Variants in GPM6A observed in about 807,000 individuals in gnomAD.
GPM6A encodes the protein glycoprotein M6A, also known as neuronal membrane glycoprotein M6-a.
GPM6A carries 7 observed loss-of-function variants against 32.1 expected under a neutral mutation model. The observed-to-expected ratio is 0.22, with a 90% CI of 0.12 to 0.41. The LOEUF is 0.41. GPM6A is among the 10% of genes least tolerant of loss of function. GPM6A has a pLI of 1.00. For missense variants in GPM6A, 235 were observed against 347.2 expected, an observed-to-expected ratio of 0.68 and a Z score of 2.57; for synonymous variants, 130 against 123.4, an observed-to-expected ratio of 1.05 and a Z score of -0.35.
At chr4:175,647,953 A>G (rs1412393859) in intron 4 of GPM6A, among the ~76,000 whole-genome samples, 1 of 152,184 alleles carries the variant, frequency 6.6e-6, no homozygotes, top group Admixed American at 6.5e-5. Context: ...CATGACATCT[A>G]AAAAGTGCCT....
chr4:175,964,715 A>T (rs1740279849), intron 1 of GPM6A, among the ~76,000 whole-genome samples: 1 of 152,192 alleles, frequency 6.6e-6, no homozygotes, highest in Non-Finnish European at 1.5e-5. Flanking sequence ...ACACATTCTG[A>T]ATTTGGGGCA....
chr4:175,745,263 ATT>A (rs1422380680), intron 1 of GPM6A, among the ~76,000 whole-genome samples: 1 of 152,216 alleles, frequency 6.6e-6, no homozygotes, highest in Non-Finnish European at 1.5e-5. Context: ...TATTGGGTTC[ATT>A]TTGGAGACCT....
chr4:175,869,974 G>T (rs915561829), intron 1 of GPM6A, among the ~76,000 whole-genome samples: 5 of 152,128 alleles, frequency 3.3e-5, no homozygotes, highest in African/African-American at 9.7e-5. Flanking sequence ...ATAATTTGCA[G>T]CACTGGGATT....
chr4:175,799,339 C>T (rs910233006), intron 1 of GPM6A, among the ~76,000 whole-genome samples: 14 of 152,108 alleles, frequency 9.2e-5, no homozygotes, highest in African/African-American at 2.4e-4. Flanking sequence ...CTCATTTTGA[C>T]TCACTGTGGG....
At chr4:175,923,517 G>A (rs1285563412) in intron 1 of GPM6A, among the ~76,000 whole-genome samples, 1 of 151,290 alleles carries the variant, frequency 6.6e-6, no homozygotes, top group Non-Finnish European at 1.5e-5. Flanking sequence ...CCTTCCTGCA[G>A]TTTTGGGGTT....
intron 1 of GPM6A, among the ~76,000 whole-genome samples, chr4:175,911,505 C>A (rs1258890080): frequency 6.6e-6 from 1 of 152,120 alleles, no homozygotes; most frequent in Non-Finnish European, 1.5e-5. Context: ...GGAGTATTGG[C>A]ATAGATCATT....
chr4:175,972,424 T>C (rs17062314), intron 1 of GPM6A, among the ~76,000 whole-genome samples: 33,378 of 152,154 alleles, frequency 0.22, 4,790 homozygotes, highest in African/African-American at 0.41. Context: ...CTGAACACGG[T>C]ATTTTAAAAC....
At chr4:175,708,109 CAA>C (rs370414978) in intron 1 of GPM6A, among the ~76,000 whole-genome samples, 2,648 of 152,122 alleles carry the variant, frequency 0.017, 44 homozygotes, top group Middle Eastern at 0.041. Context: ...TAGAAGTAAA[CAA>C]AATCAATGAA....
At chr4:175,855,488 G>A (rs1430065588) in intron 1 of GPM6A, among the ~76,000 whole-genome samples, 2 of 152,178 alleles carry the variant, frequency 1.3e-5, no homozygotes, top group Non-Finnish European at 2.9e-5. Context: ...AGAGTAAGGT[G>A]CTGAACGAAA....
At chr4:175,721,569 C>T (rs1166612635) in intron 1 of GPM6A, among the ~76,000 whole-genome samples, 2 of 152,094 alleles carry the variant, frequency 1.3e-5, no homozygotes, top group African/African-American at 4.8e-5. Flanking sequence ...AGCTGCTGTA[C>T]AAACTTAATA....
intron 1 of GPM6A, among the ~76,000 whole-genome samples, chr4:175,818,733 A>G (rs1318689307): frequency 6.6e-6 from 1 of 152,260 alleles, no homozygotes; most frequent in Non-Finnish European, 1.5e-5. Flanking sequence ...ATAATTTACA[A>G]TAACTTGGGG....
chr4:175,717,595 A>G (rs2111107154), intron 1 of GPM6A, among the ~76,000 whole-genome samples: 1 of 152,306 alleles, frequency 6.6e-6, no homozygotes, highest in Non-Finnish European at 1.5e-5. Context: ...GTAATAAAAG[A>G]TAAACAGTCA....
chr4:175,637,832 T>C (rs1485938506), intron 6 of GPM6A, among the ~76,000 whole-genome samples: 3 of 118,360 alleles, frequency 2.5e-5, no homozygotes, highest in Non-Finnish European at 4.9e-5. Context: ...TATATAAAAA[T>C]ATATAATATA....
At chr4:175,890,541 TTTTTA>T (rs1343903100) in intron 1 of GPM6A, among the ~76,000 whole-genome samples, 13 of 150,638 alleles carry the variant, frequency 8.6e-5, no homozygotes, top group South Asian at 4.2e-4. Flanking sequence ...TTATGCTATG[TTTTTA>T]TTTTATTTTA....
chr4:175,974,211 CAG>C (rs1740591786), intron 1 of GPM6A, among the ~76,000 whole-genome samples: 1 of 152,030 alleles, frequency 6.6e-6, no homozygotes, highest in Non-Finnish European at 1.5e-5. Context: ...GCCTGGGAGA[CAG>C]AGTGAGACTT....
chr4:175,643,096 C>G (rs1270608716), intron 4 of GPM6A, among the ~76,000 whole-genome samples: 3 of 152,088 alleles, frequency 2.0e-5, no homozygotes, highest in Non-Finnish European at 4.4e-5. Flanking sequence ...CATCCATAAT[C>G]AGACCGATTC....
intron 1 of GPM6A, among the ~76,000 whole-genome samples, chr4:175,949,588 A>C (rs1440997471): frequency 6.6e-6 from 1 of 152,238 alleles, no homozygotes; most frequent in East Asian, 1.9e-4. Context: ...CTAAATAATC[A>C]AGGGCTGTTA....
chr4:175,771,148 G>A (rs1733171143), intron 1 of GPM6A, among the ~76,000 whole-genome samples: 1 of 135,874 alleles, frequency 7.4e-6, no homozygotes, highest in African/African-American at 3.5e-5. Context: ...CCTAGCTCCT[G>A]CTTCCTTGTT....
chr4:175,921,975 T>A (rs1738682704), intron 1 of GPM6A, among the ~76,000 whole-genome samples: 1 of 152,204 alleles, frequency 6.6e-6, no homozygotes, highest in Non-Finnish European at 1.5e-5. Flanking sequence ...AATCTGCTTC[T>A]CAGGGAGTAA....
Sources: allele counts gnomAD v4.1 joint callset (sites outside exome capture counted in the v4.1 genomes callset), GRCh38; gene constraint gnomAD v4.1.1; transcripts MANE v1.5; gene names NCBI Gene and HGNC (gene_info 2026-07-23, HGNC 2026-07-21).